Variants in ADGRF5 observed in about 807,000 individuals in gnomAD.
The protein encoded by ADGRF5 is adhesion G protein-coupled receptor F5, also known as G-protein coupled receptor 116.
In ADGRF5, 75 loss-of-function variants were observed where a neutral mutation model predicts 132.3. The ratio of observed to expected loss-of-function variants is 0.57; its 90% CI spans 0.47 to 0.69. ADGRF5 has a LOEUF of 0.69. Ranked by LOEUF, ADGRF5 falls within the 30% of genes least tolerant of loss-of-function variation. The probability of loss-of-function intolerance (pLI) is 0.00; values close to 1 mark genes in which losing one functional copy is unlikely to be tolerated. For synonymous variants in ADGRF5, 629 were observed against 597.6 expected (o/e 1.05, Z -0.77); for missense variants, 1,516 against 1,630.6 (o/e 0.93, Z 1.21).
At chr6:46,870,337 A>G (rs1770916066) in intron 11 of ADGRF5, among the ~76,000 whole-genome samples, 1 of 151,792 alleles carries the variant, frequency 6.6e-6, no homozygotes, top group Admixed American at 6.6e-5. Context: ...TTTATTTTTT[A>G]TTGGTAGAGA....
intron 1 of ADGRF5, among the ~76,000 whole-genome samples, chr6:46,929,049 T>A (rs1434328378): frequency 9.9e-5 from 15 of 152,140 alleles, no homozygotes; most frequent in Non-Finnish European, 2.2e-4. Flanking sequence ...ACACGTAAGT[T>A]TATTGCGGCA....
chr6:46,867,436 A>G (rs1042009647), intron 12 of ADGRF5, among the ~76,000 whole-genome samples: 8 of 152,194 alleles, frequency 5.3e-5, no homozygotes, highest in African/African-American at 1.9e-4. Context: ...CAGGTTTTCA[A>G]TTTCTACTCT....
In ADGRF5 at chr6:46,900,016, A is replaced by G; in HGVS notation, c.157+13T>C. The G allele has an allele frequency of 6.3e-7, 1 of 1,589,280 alleles. No individual in the cohort carries two copies. The highest frequency in any genetic ancestry group is 8.6e-7 in the Non-Finnish European group (1 of 1,157,206). ...AACTTATAAAAGGGATTGCCAAGCA[A>G]GAGTTTACATACCGGCTCGTTTTTG... On this transcript the variant is annotated intron_variant, in intron 3 of 20. Coordinates refer to ENST00000283296, the MANE Select transcript of ADGRF5 (RefSeq NM_001098518.2).
chr6:46,868,338 A>T (rs995939313), intron 12 of ADGRF5, among the ~76,000 whole-genome samples: 4 of 152,230 alleles, frequency 2.6e-5, no homozygotes, highest in African/African-American at 7.2e-5. Context: ...GAATTAATAC[A>T]TTTAAATACT....
intron 1 of ADGRF5, among the ~76,000 whole-genome samples, chr6:46,917,291 A>G (rs1776498448): frequency 1.3e-5 from 2 of 152,168 alleles, no homozygotes; most frequent in Non-Finnish European, 2.9e-5. Flanking sequence ...CCCCAGAGAT[A>G]TATCTTTCCA....
At chr6:46,875,400 C>T (rs1461700952) in intron 10 of ADGRF5, among the ~76,000 whole-genome samples, 3 of 152,146 alleles carry the variant, frequency 2.0e-5, no homozygotes, top group South Asian at 2.1e-4. Context: ...CATCCCAGAC[C>T]TTCCTCTATA....
intron 1 of ADGRF5, among the ~76,000 whole-genome samples, chr6:46,947,751 A>C (rs1778351718): frequency 6.6e-6 from 1 of 152,200 alleles, no homozygotes; most frequent in East Asian, 1.9e-4. Context: ...AAAACAATCC[A>C]TGAAGGCATT....
chr6:46,953,844 A>T (rs1034844561), intron 1 of ADGRF5, among the ~76,000 whole-genome samples: 10 of 151,794 alleles, frequency 6.6e-5, no homozygotes, highest in Admixed American at 2.0e-4. Context: ...AAGAATAGTA[A>T]ATGTTCAATA....
chr6:46,920,523 AT>A (rs34696796), intron 1 of ADGRF5, among the ~76,000 whole-genome samples: 2,423 of 58,208 alleles, frequency 0.042, 64 homozygotes, highest in Admixed American at 0.12. Context: ...ATAGAATAAT[AT>A]TTGGGGGGGG....
intron 3 of ADGRF5, 119 bp from the exon 4 acceptor site, chr6:46,888,624 C>T: frequency 4.3e-6 from 3 of 695,138 alleles, no homozygotes; most frequent in Non-Finnish European, 7.5e-6. Context: ...GGTCTATCAA[C>T]CCTTAGGAAT....
intron 1 of ADGRF5, among the ~76,000 whole-genome samples, chr6:46,920,593 T>C (rs1776840228): frequency 6.6e-6 from 1 of 151,118 alleles, no homozygotes; most frequent in Non-Finnish European, 1.5e-5. Flanking sequence ...CTGGCTGCGA[T>C]GGCTGACACC....
intron 11 of ADGRF5, among the ~76,000 whole-genome samples, chr6:46,870,566 G>T (rs1770937906): frequency 6.6e-6 from 1 of 152,166 alleles, no homozygotes; most frequent in Non-Finnish European, 1.5e-5. Context: ...ACTCAAAGAA[G>T]GTGTAATATG....
chr6:46,864,347 G>A (rs1392450150), intron 14 of ADGRF5, among the ~76,000 whole-genome samples: 3 of 152,020 alleles, frequency 2.0e-5, no homozygotes, highest in Non-Finnish European at 4.4e-5. Context: ...GAGATTAATT[G>A]TTTTCATGTA....
chr6:46,933,898 A>G (rs1777687621), intron 1 of ADGRF5, among the ~76,000 whole-genome samples: 1 of 152,210 alleles, frequency 6.6e-6, no homozygotes, highest in Non-Finnish European at 1.5e-5. Flanking sequence ...TTACACGATT[A>G]TTCCAGACCC....
At chr6:46,884,510 A>G (rs1772843520) in intron 4 of ADGRF5, among the ~76,000 whole-genome samples, 2 of 152,360 alleles carry the variant, frequency 1.3e-5, no homozygotes, top group South Asian at 4.1e-4. Flanking sequence ...TGGCTAAGTC[A>G]TCTTTTAGAT....
intron 1 of ADGRF5, among the ~76,000 whole-genome samples, chr6:46,928,786 A>G (rs938359578): frequency 2.6e-5 from 4 of 152,168 alleles, no homozygotes; most frequent in African/African-American, 9.7e-5. Flanking sequence ...TCAAAACCAC[A>G]ATGAGATACC....
intron 9 of ADGRF5, 139 bp from the exon 10 acceptor site, chr6:46,878,544 C>T (rs1344448264): frequency 6.5e-6 from 4 of 613,994 alleles, no homozygotes; most frequent in South Asian, 4.1e-5. Context: ...TCTAAAGACG[C>T]CTAAAAAACC....
In ADGRF5 at chr6:46,871,940, G is replaced by A. The variant is rs753069678; in HGVS notation, c.1314C>T (p.Ser438=). The A allele has an allele frequency of 1.9e-5, 30 of 1,611,890 alleles. No homozygotes were observed. The highest frequency in any genetic ancestry group is 8.9e-5 in the East Asian group (4 of 44,840). Reference sequence around the variant, plus strand: ...AGATGACTGTTGTTCCAGACGACCCGCTTGGGCACTGGGTTCCATCAGCCT... The same window carrying A: ...AGATGACTGTTGTTCCAGACGACCCACTTGGGCACTGGGTTCCATCAGCCT... ...TLKADGTQCP[S]GSSGTTVIYT... is the part of the protein sequence containing the mutation. Residue 438 remains serine (S), a synonymous_variant, in exon 11 of 21, where the codon AGC becomes AGT. Transcript: ENST00000283296.
chr6:46,939,311 C>T (rs569136283), intron 1 of ADGRF5, among the ~76,000 whole-genome samples: 5 of 152,198 alleles, frequency 3.3e-5, no homozygotes, highest in South Asian at 2.1e-4. Context: ...GGATTGGGGA[C>T]AGGCAGGGCT....
Sources: allele counts gnomAD v4.1 joint callset (sites outside exome capture counted in the v4.1 genomes callset), GRCh38; gene constraint gnomAD v4.1.1; transcripts MANE v1.5; gene names NCBI Gene and HGNC (gene_info 2026-07-23, HGNC 2026-07-21).